Variants in CUL5 observed in about 807,000 individuals in gnomAD.
The protein encoded by CUL5 is cullin-5.
CUL5 carries 26 observed loss-of-function variants against 108.8 expected under a neutral mutation model. The ratio of observed to expected loss-of-function variants is 0.24; its 90% CI spans 0.18 to 0.33. The LOEUF (loss-of-function observed/expected upper bound fraction) is 0.33, where lower values mean the gene tolerates loss of function less well. CUL5 is among the 10% of genes least tolerant of loss of function. CUL5 has a pLI of 1.00. For synonymous variants in CUL5, 334 were observed against 298.0 expected, an observed-to-expected ratio of 1.12 and a Z score of -1.25; for missense variants, 524 against 909.2, an observed-to-expected ratio of 0.58 and a Z score of 5.45.
chr11:108,046,643 CATT>C, intron 3 of CUL5: 1 of 294,490 alleles, frequency 3.4e-6, no homozygotes, highest in Non-Finnish European at 6.3e-6. Flanking sequence ...TCCCCACCAC[CATT>C]ATTTTTTGGC....
chr11:108,047,315 C>G (rs1198160904), intron 3 of CUL5, among the ~76,000 whole-genome samples: 3 of 151,282 alleles, frequency 2.0e-5, no homozygotes, highest in Non-Finnish European at 4.4e-5. Flanking sequence ...GACCCTGTCT[C>G]AAAAAAAGGC....
At chr11:108,073,250 T>G (rs936782182) in intron 9 of CUL5, 140 bp from the exon 10 acceptor site, 2 of 540,522 alleles carry the variant, frequency 3.7e-6, no homozygotes, top group African/African-American at 2.0e-5. Flanking sequence ...AACAGTAATA[T>G]TGGAACACCT....
intron 2 of CUL5, among the ~76,000 whole-genome samples, chr11:108,042,983 G>C (rs548261937): frequency 1.3e-5 from 2 of 152,106 alleles, no homozygotes; most frequent in Admixed American, 1.3e-4. Flanking sequence ...GGTTGGTTGC[G>C]AACTCCTGGC....
At chr11:108,095,453 A>C in intron 15 of CUL5, 77 bp from the exon 16 acceptor site, 1 of 1,022,550 alleles carries the variant, frequency 9.8e-7, no homozygotes, top group Non-Finnish European at 1.4e-6. Context: ...CCTTTTTCAT[A>C]TATAAATTCA....
chr11:108,061,211 A>G (rs1863524231), intron 7 of CUL5, among the ~76,000 whole-genome samples: 1 of 152,220 alleles, frequency 6.6e-6, no homozygotes, highest in South Asian at 2.1e-4. Flanking sequence ...TCCATTCAAG[A>G]TGTATTTTCA....
intron 4 of CUL5, among the ~76,000 whole-genome samples, chr11:108,051,580 G>C (rs1214587034): frequency 1.3e-5 from 2 of 152,160 alleles, no homozygotes; most frequent in African/African-American, 4.8e-5. Context: ...TGTCATTAAT[G>C]TATCTCCTAC....
At chr11:108,082,763 A>G (rs1864124413) in intron 11 of CUL5, among the ~76,000 whole-genome samples, 1 of 151,344 alleles carries the variant, frequency 6.6e-6, no homozygotes, top group African/African-American at 2.4e-5. Flanking sequence ...CCTTCTGAGT[A>G]CCTGGGACTA....
chr11:108,076,668 G>T (rs970662376), intron 10 of CUL5, among the ~76,000 whole-genome samples: 6 of 152,310 alleles, frequency 3.9e-5, no homozygotes, highest in African/African-American at 1.2e-4. Context: ...ATAATGCAGT[G>T]AATGTGGGAG....
chr11:108,062,248 A>G (rs1052572493), intron 7 of CUL5, among the ~76,000 whole-genome samples: 4 of 152,154 alleles, frequency 2.6e-5, no homozygotes, highest in Non-Finnish European at 4.4e-5. Flanking sequence ...TTGTGTATAC[A>G]TCTTTTCTCA....
intron 1 of CUL5, among the ~76,000 whole-genome samples, chr11:108,026,754 G>C (rs759279994): frequency 5.3e-5 from 8 of 152,120 alleles, no homozygotes; most frequent in Non-Finnish European, 1.2e-4. Flanking sequence ...ACTTTGGGAG[G>C]CTGAGGTGGG....
chr11:108,106,982 G>T lies in CUL5; in HGVS notation c.*2598G>T, dbSNP rs546373745. On this transcript the variant is annotated 3_prime_UTR_variant, in exon 19 of 19. Transcript: ENST00000393094. ...AAATGTTAACTTGTGTTGCCATCTC[G>T]TTGCCGGAGTAAGTAGACATAAGAC... 2 of 149,910 alleles carry T rather than the reference G, an allele frequency of 1.3e-5. No homozygotes were observed. Among genetic ancestry groups the T allele is most frequent in the South Asian group, 2.1e-4 (1 of 4,672 alleles). 9.3% of individuals were successfully genotyped at this position (149,910 alleles called of 1,614,324 possible). A position where few individuals can be genotyped will look rare whatever the true frequency, so the allele number is the denominator to read the frequency against.
rs188849510 is a variant in CUL5, at chr11:108,079,880, C to T, written c.1178+1640C>T. The stretch of plus-strand genomic sequence containing the variant: ...CTTGTGTAAAGCTTCTTTCATTCTG[C>T]ATTGTGTTTTTGAAATTCTTTTATG... On this transcript the variant is annotated intron_variant, in intron 11 of 18. Transcript: ENST00000393094. 2.5e-3 allele frequency among the ~76,000 whole-genome samples: 383 copies of T among 152,232 alleles called. 2 individuals are homozygous for T. The highest frequency in any genetic ancestry group is 8.5e-3 in the African/African-American group (355 of 41,546).
At chr11:108,024,927 T>C (rs1862419607) in intron 1 of CUL5, among the ~76,000 whole-genome samples, 3 of 152,224 alleles carry the variant, frequency 2.0e-5, no homozygotes, top group African/African-American at 7.2e-5. Flanking sequence ...TTTCTGACTC[T>C]CTCTAGTGCT....
At chr11:108,018,674 TAAAAA>T (rs969867854) in intron 1 of CUL5, among the ~76,000 whole-genome samples, 2 of 148,944 alleles carry the variant, frequency 1.3e-5, no homozygotes, top group African/African-American at 4.9e-5. Flanking sequence ...GACTGTGTCT[TAAAAA>T]AAAAAGAGAG....
intron 7 of CUL5, among the ~76,000 whole-genome samples, chr11:108,055,780 G>A (rs1374034395): frequency 1.3e-5 from 2 of 152,052 alleles, no homozygotes; most frequent in Non-Finnish European, 2.9e-5. Context: ...ACAAGCGCAT[G>A]CCACCATGCC....
chr11:108,091,631 T>C (rs982176133), intron 13 of CUL5, among the ~76,000 whole-genome samples: 3 of 147,938 alleles, frequency 2.0e-5, no homozygotes, highest in African/African-American at 5.0e-5. Flanking sequence ...GGAGGTTGCA[T>C]TGAACAGAGA....
intron 1 of CUL5, among the ~76,000 whole-genome samples, chr11:108,029,432 G>C (rs1051442842): frequency 2.0e-5 from 3 of 152,200 alleles, no homozygotes; most frequent in African/African-American, 7.2e-5. Context: ...ATTCTGAATA[G>C]TAATGAAAGA....
chr11:108,049,195 A>G (rs1013480975), intron 3 of CUL5, among the ~76,000 whole-genome samples: 1 of 152,034 alleles, frequency 6.6e-6, no homozygotes, highest in African/African-American at 2.4e-5. Flanking sequence ...GGATATGTCT[A>G]TATTTGACAT....
At chr11:108,079,229 G>A (rs1004931217) in intron 11 of CUL5, among the ~76,000 whole-genome samples, 1 of 151,922 alleles carries the variant, frequency 6.6e-6, no homozygotes, top group Non-Finnish European at 1.5e-5. Flanking sequence ...TCAGCCTCCC[G>A]AGTAGCTGGG....
Sources: gnomAD v4.1 joint callset for allele counts (sites outside exome capture counted in the v4.1 genomes callset) on GRCh38, gnomAD v4.1.1 for gene constraint, MANE v1.5 for transcripts, NCBI Gene and HGNC (gene_info 2026-07-23, HGNC 2026-07-21) for gene names.